SNX18: variants seen among roughly 807,000 people sequenced by gnomAD.
SNX18 encodes the protein sorting nexin-18.
A neutral mutation model predicts 48.7 loss-of-function variants in SNX18; 35 were observed. The ratio of observed to expected loss-of-function variants is 0.72; its 90% CI spans 0.55 to 0.95. SNX18 has a LOEUF of 0.95. SNX18 is among the 40% of genes least tolerant of loss of function. The pLI is 0.00. For missense variants in SNX18, 824 were observed against 871.0 expected, an observed-to-expected ratio of 0.95 and a Z score of 0.68; for synonymous variants, 492 against 384.7, an observed-to-expected ratio of 1.28 and a Z score of -3.26.
chr5:54,647,687 A>T, the SNX18 span, among the ~76,000 whole-genome samples: 7 of 152,174 alleles, frequency 4.6e-5, no homozygotes, highest in Non-Finnish European at 8.8e-5. Flanking sequence ...CCAGAAAATG[A>T]GTGATATTTA....
the SNX18 span, among the ~76,000 whole-genome samples, chr5:54,570,265 G>A: frequency 6.6e-6 from 1 of 152,236 alleles, no homozygotes; most frequent in Non-Finnish European, 1.5e-5. Context: ...AAGGTAGGCA[G>A]AGCCAAGGAG....
At chr5:54,574,831 C>A in the SNX18 span, among the ~76,000 whole-genome samples, 3 of 152,106 alleles carry the variant, frequency 2.0e-5, no homozygotes, top group African/African-American at 7.2e-5. Context: ...CAGCGAGATG[C>A]AGAGCCAACA....
the SNX18 span, among the ~76,000 whole-genome samples, chr5:54,622,952 T>A: frequency 1.3e-5 from 2 of 152,232 alleles, no homozygotes; most frequent in South Asian, 2.1e-4. Context: ...AGAATAAATA[T>A]CAAATTCTTT....
At chr5:54,614,547 CTGT>C in the SNX18 span, among the ~76,000 whole-genome samples, 1 of 152,174 alleles carries the variant, frequency 6.6e-6, no homozygotes. Context: ...TGGCTCATGA[CTGT>C]AATCCCACCA....
At chr5:54,588,074 A>T in the SNX18 span, among the ~76,000 whole-genome samples, 1 of 152,154 alleles carries the variant, frequency 6.6e-6, no homozygotes, top group African/African-American at 2.4e-5. Flanking sequence ...CCAATCAAGG[A>T]AATCTGGATT....
At chr5:54,558,007 T>A in the SNX18 span, among the ~76,000 whole-genome samples, 1 of 152,206 alleles carries the variant, frequency 6.6e-6, no homozygotes, top group Non-Finnish European at 1.5e-5. Flanking sequence ...GTGCTGGGAT[T>A]ATAGGTGTGA....
the SNX18 span, among the ~76,000 whole-genome samples, chr5:54,602,704 T>C: frequency 2.0e-5 from 3 of 152,046 alleles, no homozygotes; most frequent in African/African-American, 7.2e-5. Flanking sequence ...GCCAAGTGGG[T>C]GACTTGAGAA....
chr5:54,629,304 G>A, the SNX18 span, among the ~76,000 whole-genome samples: 5 of 152,174 alleles, frequency 3.3e-5, no homozygotes, highest in Admixed American at 6.5e-5. Flanking sequence ...AATGTGGAGA[G>A]GAGCCACCAT....
chr5:54,567,661 A>AT, the SNX18 span, among the ~76,000 whole-genome samples: 10 of 152,224 alleles, frequency 6.6e-5, no homozygotes, highest in Non-Finnish European at 1.3e-4. Context: ...CTAAGTCATT[A>AT]ACTTGAAGCA....
At chr5:54,646,879 C>T in the SNX18 span, among the ~76,000 whole-genome samples, 4 of 152,202 alleles carry the variant, frequency 2.6e-5, no homozygotes, top group African/African-American at 9.7e-5. Flanking sequence ...GACTTGTTTT[C>T]AACAGGCCTC....
intron 1 of SNX18, chr5:54,520,034 C>T (rs1761988004): frequency 3.8e-6 from 2 of 524,048 alleles, no homozygotes; most frequent in South Asian, 3.4e-5. Flanking sequence ...CCTTCCACAC[C>T]TCTCAATCTC....
chr5:54,555,380 T>C, the SNX18 span, among the ~76,000 whole-genome samples: 1 of 145,340 alleles, frequency 6.9e-6, no homozygotes, highest in African/African-American at 2.5e-5. Flanking sequence ...ATACCTTTCT[T>C]TTTTTTTTTT....
chr5:54,577,424 T>C, the SNX18 span, among the ~76,000 whole-genome samples: 2 of 139,738 alleles, frequency 1.4e-5, no homozygotes, highest in Non-Finnish European at 3.0e-5. Flanking sequence ...GGATGAATTC[T>C]GGAAAGTACA....
At chr5:54,614,275 C>A in the SNX18 span, among the ~76,000 whole-genome samples, 95 of 152,060 alleles carry the variant, frequency 6.2e-4, no homozygotes, top group Non-Finnish European at 1.1e-3. Context: ...AAAACTAGGC[C>A]CTGCTGGAAA....
At chr5:54,609,659 A>G in the SNX18 span, among the ~76,000 whole-genome samples, 4 of 152,146 alleles carry the variant, frequency 2.6e-5, no homozygotes, top group Non-Finnish European at 5.9e-5. Context: ...AGATAAAAAA[A>G]ATGCCAAGGA....
At chr5:54,574,026 T>C in the SNX18 span, among the ~76,000 whole-genome samples, 1 of 152,210 alleles carries the variant, frequency 6.6e-6, no homozygotes, top group South Asian at 2.1e-4. Flanking sequence ...GCAATCATTT[T>C]CCCATGAATC....
chr5:54,520,110 T>A, intron 1 of SNX18: 4 of 376,042 alleles, frequency 1.1e-5, no homozygotes, highest in Non-Finnish European at 2.0e-5. Context: ...AATTCTTGCC[T>A]GCAACCTTTA....
chr5:54,545,111 C>T lies in SNX18; in HGVS notation c.*1679C>T, dbSNP rs1465952525. On this transcript the variant is annotated 3_prime_UTR_variant, in exon 2 of 2. Transcript: ENST00000381410. ...TCAGATTATCATTTTGATATTTGGT[C>T]AAAATTTTGTACCTTAGGTTACTTA... 1 of 152,090 alleles carries T rather than the reference C, an allele frequency of 6.6e-6. No homozygotes were observed. The highest frequency in any genetic ancestry group is 1.5e-5 in the Non-Finnish European group (1 of 67,990). 9.4% of individuals were successfully genotyped at this position (152,090 alleles called of 1,614,324 possible). A position where few individuals can be genotyped will look rare whatever the true frequency, so the allele number is the denominator to read the frequency against.
At chr5:54,540,220 T>TTC (rs3990346) in intron 1 of SNX18, among the ~76,000 whole-genome samples, 31,782 of 151,622 alleles carry the variant, frequency 0.21, 3,781 homozygotes, top group East Asian at 0.45. Context: ...TCTTTTTTTT[T>TTC]TTCTTCTTTG....
Sources: gnomAD v4.1 joint callset for allele counts (sites outside exome capture counted in the v4.1 genomes callset) on GRCh38, gnomAD v4.1.1 for gene constraint, MANE v1.5 for transcripts, NCBI Gene and HGNC (gene_info 2026-07-23, HGNC 2026-07-21) for gene names.